Variants in PDE10A observed in about 807,000 individuals in gnomAD.
PDE10A encodes the protein cAMP and cAMP-inhibited cGMP 3',5'-cyclic phosphodiesterase 10A.
PDE10A carries 39 observed loss-of-function variants against 97.7 expected under a neutral mutation model. The ratio of observed to expected loss-of-function variants is 0.40; its 90% CI spans 0.31 to 0.52. The LOEUF is 0.52. Ranked by LOEUF, PDE10A falls within the 20% of genes least tolerant of loss-of-function variation. The pLI is 0.56. For synonymous variants in PDE10A, 371 were observed against 376.8 expected, an observed-to-expected ratio of 0.98 and a Z score of 0.18; for missense variants, 731 against 1,047.8, an observed-to-expected ratio of 0.70 and a Z score of 4.17.
chr6:165,584,564 T>C (rs1212652070), intron 1 of PDE10A, among the ~76,000 whole-genome samples: 1 of 152,164 alleles, frequency 6.6e-6, no homozygotes, highest in Non-Finnish European at 1.5e-5. Flanking sequence ...CCATTTTGTG[T>C]CTCTTGCTTA....
chr6:165,865,185 C>A (rs1781007272), intron 1 of PDE10A, among the ~76,000 whole-genome samples: 1 of 152,140 alleles, frequency 6.6e-6, no homozygotes, highest in South Asian at 2.1e-4. Context: ...CAGACACCAC[C>A]AACACTGAAT....
intron 1 of PDE10A, among the ~76,000 whole-genome samples, chr6:165,721,357 A>C (rs1190469798): frequency 1.3e-5 from 2 of 152,336 alleles, no homozygotes; most frequent in South Asian, 4.1e-4. Flanking sequence ...TGTCAATCCA[A>C]TTCATTACTT....
At chr6:165,718,235 A>T (rs1792076755) in intron 1 of PDE10A, 2 of 152,168 alleles carry the variant, frequency 1.3e-5, no homozygotes, top group Admixed American at 6.5e-5. Flanking sequence ...AGTTATTTTT[A>T]AAAATGTGTC....
intron 1 of PDE10A, among the ~76,000 whole-genome samples, chr6:165,926,284 A>T (rs948863765): frequency 1.3e-5 from 2 of 152,212 alleles, no homozygotes; most frequent in African/African-American, 4.8e-5. Context: ...GAAGCCATCC[A>T]TCCTTGCTTG....
intron 1 of PDE10A, among the ~76,000 whole-genome samples, chr6:165,822,974 C>T (rs1779616465): frequency 6.6e-6 from 1 of 151,972 alleles, no homozygotes; most frequent in Non-Finnish European, 1.5e-5. Context: ...GCTGAGACAA[C>T]AGGCACCTGC....
chr6:165,415,120 C>T (rs1483761384), intron 12 of PDE10A, among the ~76,000 whole-genome samples: 1 of 152,204 alleles, frequency 6.6e-6, no homozygotes, highest in African/African-American at 2.4e-5. Context: ...CTTGCATTTT[C>T]ATTTTCTTAA....
At chr6:165,552,063 G>A (rs145715862) in intron 1 of PDE10A, among the ~76,000 whole-genome samples, 94 of 152,112 alleles carry the variant, frequency 6.2e-4, no homozygotes, top group African/African-American at 2.2e-3. Flanking sequence ...CAATTTAAAG[G>A]CAGTTTCACT....
At chr6:165,489,231 T>A (rs1316465432) in intron 2 of PDE10A, among the ~76,000 whole-genome samples, 1 of 152,130 alleles carries the variant, frequency 6.6e-6, no homozygotes, top group African/African-American at 2.4e-5. Context: ...CAGGTGCTGG[T>A]ATCCACAGCT....
chr6:165,692,378 G>C (rs1004532008), intron 1 of PDE10A, among the ~76,000 whole-genome samples: 4 of 152,218 alleles, frequency 2.6e-5, no homozygotes, highest in Non-Finnish European at 5.9e-5. Flanking sequence ...GGTTTCCCAC[G>C]TCTTCAGCAT....
At chr6:165,956,456 A>G (rs1784137034) in intron 1 of PDE10A, among the ~76,000 whole-genome samples, 1 of 152,202 alleles carries the variant, frequency 6.6e-6, no homozygotes, top group African/African-American at 2.4e-5. Flanking sequence ...TAAAAACTGA[A>G]CAGGAATGAT....
chr6:165,656,256 T>A (rs865986495), intron 1 of PDE10A, among the ~76,000 whole-genome samples: 129 of 106,766 alleles, frequency 1.2e-3, no homozygotes, highest in African/African-American at 4.3e-3. Context: ...TCTCTCTCTC[T>A]CTCACACACA....
intron 1 of PDE10A, among the ~76,000 whole-genome samples, chr6:165,547,620 AAT>A (rs1331766916): frequency 2.0e-5 from 3 of 152,190 alleles, no homozygotes; most frequent in African/African-American, 7.2e-5. Context: ...GGTAGATAAG[AAT>A]TAACTTTCTT....
At chr6:165,352,824 T>A (rs1258353976) in intron 18 of PDE10A, among the ~76,000 whole-genome samples, 1 of 152,112 alleles carries the variant, frequency 6.6e-6, no homozygotes, top group Non-Finnish European at 1.5e-5. Flanking sequence ...AAAGGCATGA[T>A]TCATGAAAGA....
At chr6:165,925,287 A>G (rs1459381196) in intron 1 of PDE10A, among the ~76,000 whole-genome samples, 1 of 152,238 alleles carries the variant, frequency 6.6e-6, no homozygotes, top group Non-Finnish European at 1.5e-5. Context: ...TCACTCGTAC[A>G]TTGCTGGTGG....
chr6:165,927,597 G>A (rs1230026127), intron 1 of PDE10A, among the ~76,000 whole-genome samples: 1 of 138,066 alleles, frequency 7.2e-6, no homozygotes, highest in Non-Finnish European at 1.5e-5. Context: ...TTGCTTATAT[G>A]TCTTTTTTTT....
intron 5 of PDE10A, among the ~76,000 whole-genome samples, chr6:165,439,195 C>T (rs948925474): frequency 2.6e-5 from 4 of 151,792 alleles, no homozygotes; most frequent in African/African-American, 9.7e-5. Context: ...ATGGAAACAC[C>T]AGACATTATT....
intron 18 of PDE10A, among the ~76,000 whole-genome samples, chr6:165,368,868 C>G (rs1478348932): frequency 1.3e-5 from 2 of 152,174 alleles, no homozygotes; most frequent in Non-Finnish European, 2.9e-5. Flanking sequence ...CCCGGTACTC[C>G]TCTGAGACAA....
At chr6:165,863,551 C>T (rs1291157182) in intron 1 of PDE10A, among the ~76,000 whole-genome samples, 1 of 152,288 alleles carries the variant, frequency 6.6e-6, no homozygotes, top group East Asian at 1.9e-4. Flanking sequence ...ATAGCACATT[C>T]ATTTCCTTTC....
chr6:165,648,431 G>C (rs1789518136), intron 1 of PDE10A, among the ~76,000 whole-genome samples: 1 of 151,554 alleles, frequency 6.6e-6, no homozygotes, highest in South Asian at 2.1e-4. Context: ...AAAAAAAAAA[G>C]AGCAAGAGTG....
Sources: allele counts gnomAD v4.1 joint callset (sites outside exome capture counted in the v4.1 genomes callset), GRCh38; gene constraint gnomAD v4.1.1; transcripts MANE v1.5; gene names NCBI Gene and HGNC (gene_info 2026-07-23, HGNC 2026-07-21).